TRAK2: variants seen among roughly 807,000 people sequenced by gnomAD.
TRAK2 encodes the protein trafficking kinesin protein 2.
TRAK2 carries 81 observed loss-of-function variants against 104.6 expected under a neutral mutation model. That is an observed-to-expected ratio of 0.77 (90% confidence interval 0.65 to 0.93). The LOEUF (loss-of-function observed/expected upper bound fraction) is 0.93, where lower values mean the gene tolerates loss of function less well. Among genes scored for constraint, TRAK2 ranks in the 40% least tolerant of loss-of-function variants. The probability of loss-of-function intolerance (pLI) is 0.00; values close to 1 mark genes in which losing one functional copy is unlikely to be tolerated. For missense variants in TRAK2, 1,002 were observed against 1,089.0 expected, an observed-to-expected ratio of 0.92 and a Z score of 1.12; for synonymous variants, 406 against 394.4, an observed-to-expected ratio of 1.03 and a Z score of -0.35.
intron 1 of TRAK2, among the ~76,000 whole-genome samples, chr2:201,450,566 G>C (rs1437192695): frequency 6.6e-6 from 1 of 152,122 alleles, no homozygotes; most frequent in Non-Finnish European, 1.5e-5. Flanking sequence ...CTGTACCTCA[G>C]ACTTCCAAGT....
intron 15 of TRAK2, among the ~76,000 whole-genome samples, chr2:201,383,802 G>A (rs978480702): frequency 1.3e-5 from 2 of 152,126 alleles, no homozygotes; most frequent in African/African-American, 4.8e-5. Context: ...GACTGGCCCT[G>A]TAAATCTTGC....
intron 1 of TRAK2, among the ~76,000 whole-genome samples, chr2:201,449,651 A>AT (rs1165373025): frequency 0.022 from 2,948 of 135,732 alleles, 84 homozygotes; most frequent in African/African-American, 0.056. Context: ...TGCCTGGCTA[A>AT]TTTTTTTTTT....
At chr2:201,384,325 A>G in intron 14 of TRAK2, 109 bp from the exon 15 acceptor site, 1 of 834,480 alleles carries the variant, frequency 1.2e-6, no homozygotes. Context: ...TACCTTTTGT[A>G]TTAAAAATCC....
At chr2:201,417,238 T>C (rs1223193630) in intron 2 of TRAK2, among the ~76,000 whole-genome samples, 2 of 43,582 alleles carry the variant, frequency 4.6e-5, no homozygotes, top group South Asian at 1.0e-3. Flanking sequence ...AGCGAAGACA[T>C]TGCAAAAAAA....
intron 1 of TRAK2, among the ~76,000 whole-genome samples, chr2:201,446,864 G>C (rs983111568): frequency 6.6e-6 from 1 of 152,204 alleles, no homozygotes; most frequent in African/African-American, 2.4e-5. Flanking sequence ...AAAGCTTTAT[G>C]ATCTATACAA....
intron 1 of TRAK2, among the ~76,000 whole-genome samples, chr2:201,429,549 C>A (rs907883741): frequency 6.6e-6 from 1 of 152,160 alleles, no homozygotes; most frequent in African/African-American, 2.4e-5. Context: ...GCCCTGGAGG[C>A]TTTGTTCATT....
chr2:201,399,371 G>C lies in TRAK2; in HGVS notation c.480+6C>G. On this transcript the variant is annotated splice_donor_region_variant and intron_variant, in intron 5 of 15. Transcript: ENST00000332624. ...TCATACTGCAGACATTTGATCAAAGGCTTACTTGATCAAAGGCTTGTCCCA... is the reference window on the plus strand; with the variant it reads ...TCATACTGCAGACATTTGATCAAAGCCTTACTTGATCAAAGGCTTGTCCCA... 6.4e-7 allele frequency: 1 copy of C among 1,566,722 alleles called. No individual in the cohort carries two copies. The highest frequency in any genetic ancestry group is 1.1e-5 in the South Asian group (1 of 89,136).
intron 1 of TRAK2, among the ~76,000 whole-genome samples, chr2:201,426,459 A>G (rs1951789790): frequency 6.6e-6 from 1 of 152,200 alleles, no homozygotes. Flanking sequence ...TAATAGCAAT[A>G]AAGTGCACAA....
In TRAK2 at chr2:201,407,451, A is replaced by G; in HGVS notation, c.238T>C (p.Ser80Pro). The change falls in exon 3 of 16, where the codon TCT becomes CCT. Residue 80 changes from serine to proline, a missense_variant. Physicochemically the swap from Ser to Pro is moderately conservative, Grantham distance 74. Coordinates refer to ENST00000332624, the MANE Select transcript of TRAK2 (RefSeq NM_015049.3). ...TQSPHQRQHA[S>P]DALSPVLAEE... Reference sequence around the variant, plus strand: ...GCAAGGACTGGAGAGAGAGCATCAGATGCATGCTGCCGCTGGTGTGGAGAC... The same window carrying G: ...GCAAGGACTGGAGAGAGAGCATCAGGTGCATGCTGCCGCTGGTGTGGAGAC... 6.2e-7 allele frequency: 1 copy of G among 1,614,092 alleles called. No homozygotes were observed.
At chr2:201,385,948 AT>A (rs1454929619) in intron 14 of TRAK2, among the ~76,000 whole-genome samples, 4 of 152,164 alleles carry the variant, frequency 2.6e-5, no homozygotes, top group Non-Finnish European at 4.4e-5. Context: ...ATTCTCAATG[AT>A]TTTTTAGAGT....
rs1032881659 is a variant in TRAK2, at chr2:201,411,047, A to G, written c.92-3450T>C. 2.8e-5 allele frequency: 36 copies of G among 1,263,868 alleles called. No individual in the cohort carries two copies. In the African/African-American group the frequency reaches 5.3e-4, roughly 19 times the overall value. 78.3% of individuals were successfully genotyped at this position (1,263,868 alleles called of 1,614,324 possible). On this transcript the variant is annotated intron_variant, in intron 2 of 15. Coordinates refer to ENST00000332624, the MANE Select transcript of TRAK2 (RefSeq NM_015049.3). ...TTGTCAAATTTCTCTTTGTATTATC[A>G]ACTGGTGTAGAAAACATCATGTCAA...
chr2:201,387,785 C>A lies in TRAK2; in HGVS notation c.1614G>T (p.Gln538His). The A allele has an allele frequency of 6.2e-7, 1 of 1,614,148 alleles. No individual in the cohort carries two copies. The highest frequency in any genetic ancestry group is 8.5e-7 in the Non-Finnish European group (1 of 1,179,996). ...TESLASLCTT[Q>H]SEITDLSSAS... ...CACTGCTGAGGTCTGTGATCTCTGA[C>A]TGGGTGGTGCAGAGAGAGGCAAGGC... Residue 538 changes from glutamine (Q) to histidine (H), a missense_variant, in exon 13 of 16, where the codon CAG becomes CAT. Coordinates refer to ENST00000332624, the MANE Select transcript of TRAK2 (RefSeq NM_015049.3).
rs1026981532 is a variant in TRAK2, at chr2:201,378,577, T to A, written c.*1966A>T. On this transcript the variant is annotated 3_prime_UTR_variant, in exon 16 of 16. Coordinates refer to ENST00000332624, the MANE Select transcript of TRAK2 (RefSeq NM_015049.3). The stretch of plus-strand genomic sequence containing the variant: ...AAATACAAATTCAAATGGTATTTTT[T>A]AAAAGTGAATTGGAATATGCGGGAA... 10 of 152,198 alleles carry A rather than the reference T, an allele frequency of 6.6e-5. No individual in the cohort carries two copies. Among genetic ancestry groups the A allele is most frequent in the African/African-American group, 2.2e-4 (9 of 41,448 alleles). 9.4% of individuals were successfully genotyped at this position (152,198 alleles called of 1,614,324 possible). A position where few individuals can be genotyped will look rare whatever the true frequency, so the allele number is the denominator to read the frequency against.
rs141647138 is a variant in TRAK2, at chr2:201,402,128, T to C, written c.287-1034A>G. Among the ~76,000 whole-genome samples, 752 of 152,154 alleles carry C rather than the reference T, an allele frequency of 4.9e-3. 3 individuals are homozygous for C. The highest frequency in any genetic ancestry group is 9.0e-3 in the Admixed American group (138 of 15,272). ...TCAAACATGATAATCTACTAAGCAA[T>C]AAAGTATTCGTTAACTGCTACGTAT... On this transcript the variant is annotated intron_variant, in intron 3 of 15. Coordinates refer to ENST00000332624, the MANE Select transcript of TRAK2 (RefSeq NM_015049.3).
At position 201,420,610 on chromosome 2, in the gene TRAK2, G is replaced by A; in HGVS notation, c.-103C>T. 1 of 957,084 alleles carries A rather than the reference G, an allele frequency of 1.0e-6. No homozygotes were observed. The highest frequency in any genetic ancestry group is 1.6e-6 in the Non-Finnish European group (1 of 612,510). 59.3% of individuals were successfully genotyped at this position (957,084 alleles called of 1,614,324 possible). ...AATAATGAAATGGATTTGGTCACAT[G>A]GATATTTTCTTTTAGACAGATTTTC... is the stretch of plus-strand genomic sequence containing the variant. On this transcript the variant is annotated 5_prime_UTR_variant, in exon 2 of 16. Transcript: ENST00000332624.
chr2:201,380,508 C>G lies in TRAK2; in HGVS notation c.*35G>C, dbSNP rs766577998. The stretch of plus-strand genomic sequence containing the variant: ...TCAGTGCATATCTATCCTTCATGTG[C>G]TAACTTGTATAAAAGGTCAGTTAAC... On this transcript the variant is annotated 3_prime_UTR_variant, in exon 16 of 16. Transcript: ENST00000332624. 1 of 1,595,478 alleles carries G rather than the reference C, an allele frequency of 6.3e-7. No homozygotes were observed.
intron 2 of TRAK2, among the ~76,000 whole-genome samples, chr2:201,415,634 A>C (rs1951684861): frequency 6.6e-6 from 1 of 152,204 alleles, no homozygotes; most frequent in Non-Finnish European, 1.5e-5. Context: ...CCAGAAGAAA[A>C]GAACAGTAAA....
intron 1 of TRAK2, among the ~76,000 whole-genome samples, chr2:201,424,505 T>C (rs1559450691): frequency 6.6e-6 from 1 of 152,140 alleles, no homozygotes; most frequent in East Asian, 1.9e-4. Context: ...AGTTTATAAC[T>C]ATGCACTAGT....
chr2:201,391,745 T>C (rs2125643361), intron 10 of TRAK2, among the ~76,000 whole-genome samples: 1 of 152,292 alleles, frequency 6.6e-6, no homozygotes, highest in Admixed American at 6.5e-5. Flanking sequence ...CTTGAAACCA[T>C]GCTCTGAGAA....
Sources: allele counts gnomAD v4.1 joint callset (sites outside exome capture counted in the v4.1 genomes callset), GRCh38; gene constraint gnomAD v4.1.1; transcripts MANE v1.5; gene names NCBI Gene and HGNC (gene_info 2026-07-23, HGNC 2026-07-21).